The following YY1 variants were observed in gnomAD, a reference collection of about 807,000 sequenced individuals.
YY1 encodes the protein YY1 transcription factor, also known as transcriptional repressor protein YY1.
A neutral mutation model predicts 35.6 loss-of-function variants in YY1; 2 were observed. That is an observed-to-expected ratio of 0.06 (90% CI 0.02 to 0.18). The LOEUF is 0.18. Among genes scored for constraint, YY1 ranks in the 10% least tolerant of loss-of-function variants. The pLI is 1.00. For synonymous variants in YY1, 268 were observed against 238.9 expected (o/e 1.12, Z -1.12); for missense variants, 322 against 573.4 (o/e 0.56, Z 4.48).
chr14:100,276,455 A>C lies in YY1; in HGVS notation c.904-35A>C. The C allele has an allele frequency of 6.2e-7, 1 of 1,614,170 alleles. No individual in the cohort carries two copies. Among genetic ancestry groups the C allele is most frequent in the South Asian group, 1.1e-5 (1 of 91,088 alleles). On this transcript the variant is annotated intron_variant, in intron 3 of 4. Coordinates refer to ENST00000262238, the MANE Select transcript of YY1 (RefSeq NM_003403.5). The surrounding 1 kb of genome is among the most constrained non-coding windows in gnomAD (Gnocchi z 4.1). ...GGTTGAATCCTTTCTAACAGTTTGCAATGTGAACTTCTAAGCTGCTTTCTC... is the reference window on the plus strand; with the variant it reads ...GGTTGAATCCTTTCTAACAGTTTGCCATGTGAACTTCTAAGCTGCTTTCTC...
intron 1 of YY1, among the ~76,000 whole-genome samples, chr14:100,248,567 A>G (rs188275167): frequency 4.0e-5 from 6 of 150,954 alleles, no homozygotes; most frequent in Non-Finnish European, 5.9e-5. Context: ...CACAGGTGTG[A>G]TCATTGTGCG....
In YY1 at chr14:100,241,496, T is replaced by C. The variant is rs563322419; in HGVS notation, c.679+1573T>C. 2.2e-4 allele frequency among the ~76,000 whole-genome samples: 34 copies of C among 152,268 alleles called. No homozygotes were observed. The South Asian group carries it at 4.8e-3, about 21-fold the overall frequency. On this transcript the variant is annotated intron_variant, in intron 1 of 4. Transcript: ENST00000262238. ...GGATCTAGGAGCTGTCAAAATCTAATAGGAAGGTGCTAACAGGCGCTGTCC... is the reference window on the plus strand; with the variant it reads ...GGATCTAGGAGCTGTCAAAATCTAACAGGAAGGTGCTAACAGGCGCTGTCC...
intron 2 of YY1, among the ~76,000 whole-genome samples, chr14:100,267,068 C>T (rs1327741433): frequency 2.6e-5 from 4 of 151,978 alleles, no homozygotes; most frequent in Admixed American, 1.3e-4. Context: ...CAGTTTCATT[C>T]AGTAGTGGGT....
At chr14:100,253,506 G>A (rs61992941) in intron 1 of YY1, among the ~76,000 whole-genome samples, 1 of 151,824 alleles carries the variant, frequency 6.6e-6, no homozygotes, top group South Asian at 2.1e-4. Context: ...CAACCTCTGC[G>A]TCTCAGGTTC....
Position 100,281,605 on chromosome 14 carries a change from T to C in YY1, c.*4005T>C, listed in dbSNP as rs141436531. The C allele has an allele frequency of 3.2e-3, 492 of 152,306 alleles. 4 individuals are homozygous for C. Among genetic ancestry groups the C allele is most frequent in the Middle Eastern group, 0.01 (3 of 294 alleles). 9.4% of individuals were successfully genotyped at this position (152,306 alleles called of 1,614,324 possible). A position where few individuals can be genotyped will look rare whatever the true frequency, so the allele number is the denominator to read the frequency against. ...ACTCCAAGCTGCACTTTCTTGGGGT[T>C]CTGGCCATGCACTTCTTAGCCTTCT... is the stretch of plus-strand genomic sequence containing the variant. On this transcript the variant is annotated 3_prime_UTR_variant, in exon 5 of 5. Coordinates refer to ENST00000262238, the MANE Select transcript of YY1 (RefSeq NM_003403.5).
rs1166341113 is a variant in YY1 at position 100,240,693 on chromosome 14, C to G, written c.679+770C>G. 2.0e-5 allele frequency among the ~76,000 whole-genome samples: 3 copies of G among 152,158 alleles called. 1 individual carries two copies. Among genetic ancestry groups the G allele is most frequent in the Non-Finnish European group, 2.9e-5 (2 of 68,028 alleles). ...AGCGTCAGTCGGAGCCTGTCACCGC[C>G]GTTGCCAGCGAATTCCTGGCCTTTT... On this transcript the variant is annotated intron_variant, in intron 1 of 4. Coordinates refer to ENST00000262238, the MANE Select transcript of YY1 (RefSeq NM_003403.5).
chr14:100,239,376 G>GGAGGAGGAGGACGACGAC lies in YY1; in HGVS notation c.135_152dup (p.Glu45_Asp50dup), dbSNP rs1890686687. The stretch of plus-strand genomic sequence containing the variant: ...TCGAGACCACAGTGGTGGGCGAGGA[G>GGAGGAGGAGGACGACGAC]GAGGAGGAGGACGACGACGACGAGG... On this transcript the variant is annotated inframe_insertion, in exon 1 of 5. Coordinates refer to ENST00000262238, the MANE Select transcript of YY1 (RefSeq NM_003403.5). The GGAGGAGGAGGACGACGAC allele has an allele frequency of 6.2e-7, 1 of 1,600,728 alleles. No individual in the cohort carries two copies.
At chr14:100,240,421 C>T (rs1474088286) in intron 1 of YY1, among the ~76,000 whole-genome samples, 1 of 151,632 alleles carries the variant, frequency 6.6e-6, no homozygotes, top group Non-Finnish European at 1.5e-5. Context: ...GTTACCCCAT[C>T]GGCCGCTGGA....
Position 100,253,203 on chromosome 14 carries a change from A to G in YY1, c.680-9101A>G, listed in dbSNP as rs571903850. 4.6e-5 allele frequency among the ~76,000 whole-genome samples: 7 copies of G among 152,328 alleles called. 1 individual carries two copies. In the South Asian group the frequency reaches 1.4e-3, roughly 32 times the overall value. ...TGGGTCCAGACAATTTTTAAAGCAGATTTAGATACTTTGCTTCCTGAACAT... is the reference window on the plus strand; with the variant it reads ...TGGGTCCAGACAATTTTTAAAGCAGGTTTAGATACTTTGCTTCCTGAACAT... On this transcript the variant is annotated intron_variant, in intron 1 of 4. Coordinates refer to ENST00000262238, the MANE Select transcript of YY1 (RefSeq NM_003403.5).
At chr14:100,246,198 C>T (rs976205383) in intron 1 of YY1, among the ~76,000 whole-genome samples, 1 of 152,206 alleles carries the variant, frequency 6.6e-6, no homozygotes, top group Non-Finnish European at 1.5e-5. Flanking sequence ...ACCCCGTTTC[C>T]ATTTCCATAC....
At chr14:100,251,880 G>A (rs1890930649) in intron 1 of YY1, among the ~76,000 whole-genome samples, 2 of 151,880 alleles carry the variant, frequency 1.3e-5, no homozygotes, top group Admixed American at 1.3e-4. Context: ...CTCCTGCCTC[G>A]GCCTCCCAAA....
Position 100,239,450 on chromosome 14 carries a change from GCCACCACCACCACCACCATCA to G in YY1, c.221_241del (p.His74_His80del), listed in dbSNP as rs759320537. The stretch of plus-strand genomic sequence containing the variant: ...GGCGGGGGCGGCCACGGGCACGCCG[GCCACCACCACCACCACCATCA>G]CCACCACCACCACCCGCCCATGATC... On this transcript the variant is annotated inframe_deletion, in exon 1 of 5. Coordinates refer to ENST00000262238, the MANE Select transcript of YY1 (RefSeq NM_003403.5). 7 of 1,595,222 alleles carry G rather than the reference GCCACCACCACCACCACCATCA, an allele frequency of 4.4e-6. No individual in the cohort carries two copies. Among genetic ancestry groups the G allele is most frequent in the South Asian group, 2.2e-5 (2 of 90,024 alleles).
chr14:100,265,742 C>G (rs571860870), intron 2 of YY1, among the ~76,000 whole-genome samples: 1 of 150,726 alleles, frequency 6.6e-6, no homozygotes, highest in African/African-American at 2.4e-5. Context: ...CTCTTCCACC[C>G]GGGTTCAAGT....
intron 1 of YY1, among the ~76,000 whole-genome samples, chr14:100,248,397 T>C (rs1047807299): frequency 6.6e-6 from 1 of 151,894 alleles, no homozygotes; most frequent in Non-Finnish European, 1.5e-5. Flanking sequence ...GCTGGGATTA[T>C]AGGCATGAGC....
At position 100,250,660 on chromosome 14, in the gene YY1, T is replaced by A. The variant is rs1391848385; in HGVS notation, c.679+10737T>A. ...TATGAAGGGGACCACTGAGTGGTAG[T>A]ACTGGCATTTTTCAGCCAATGTGAC... On this transcript the variant is annotated intron_variant, in intron 1 of 4. Transcript: ENST00000262238. 3.9e-5 allele frequency among the ~76,000 whole-genome samples: 6 copies of A among 152,232 alleles called. No individual in the cohort carries two copies. In the South Asian group the frequency reaches 8.3e-4, roughly 21 times the overall value.
chr14:100,248,349 C>G (rs1457825465), intron 1 of YY1, among the ~76,000 whole-genome samples: 1 of 152,058 alleles, frequency 6.6e-6, no homozygotes, highest in African/African-American at 2.4e-5. Context: ...GTCTCAATCT[C>G]CTGACCTCGT....
Position 100,239,299 on chromosome 14 carries a change from G to A in YY1, c.55G>A (p.Glu19Lys). The part of the protein sequence containing the change: ...IATDGSEMPA[E>K]IVELHEIEVE... The stretch of plus-strand genomic sequence containing the variant: ...CACGGACGGCTCGGAGATGCCGGCC[G>A]AGATCGTGGAGCTGCACGAGATCGA... The change falls in exon 1 of 5, where the codon GAG (glutamate) becomes AAG (lysine). Residue 19 changes from glutamate (E) to lysine (K), a missense_variant. Physicochemically the swap from Glu to Lys is moderately conservative, Grantham distance 56. Coordinates refer to ENST00000262238, the MANE Select transcript of YY1 (RefSeq NM_003403.5). 6.2e-7 allele frequency: 1 copy of A among 1,600,722 alleles called. No homozygotes were observed. Among genetic ancestry groups the A allele is most frequent in the Non-Finnish European group, 8.5e-7 (1 of 1,174,822 alleles).
rs187463417 is a variant in YY1, at chr14:100,246,100, G to A, written c.679+6177G>A. ...TCTAAGGCTGTTGATATTTTAATTCGGAGCAGAAGTTGCATTGCCATGTGC... is the reference window on the plus strand; with the variant it reads ...TCTAAGGCTGTTGATATTTTAATTCAGAGCAGAAGTTGCATTGCCATGTGC... On this transcript the variant is annotated intron_variant, in intron 1 of 4. Coordinates refer to ENST00000262238, the MANE Select transcript of YY1 (RefSeq NM_003403.5). Among the ~76,000 whole-genome samples, 269 of 152,234 alleles carry A rather than the reference G, an allele frequency of 1.8e-3. 1 individual carries two copies. The highest frequency in any genetic ancestry group is 7.9e-3 in the South Asian group (38 of 4,830).
chr14:100,272,007 G>T (rs1277498759), intron 2 of YY1, among the ~76,000 whole-genome samples: 2 of 152,076 alleles, frequency 1.3e-5, no homozygotes, highest in Non-Finnish European at 1.5e-5. Context: ...TTACGAGAAA[G>T]GACGAATATC....
Sources: gnomAD v4.1 joint callset for allele counts (sites outside exome capture counted in the v4.1 genomes callset) on GRCh38, gnomAD v4.1.1 for gene constraint, Gnocchi (gnomAD v3.1) non-coding constraint, MANE v1.5 for transcripts, NCBI Gene and HGNC (gene_info 2026-07-23, HGNC 2026-07-21) for gene names.